CNTN6: variants seen among roughly 807,000 people sequenced by gnomAD.
The protein encoded by CNTN6 is contactin 6.
In CNTN6, 137 loss-of-function variants were observed where a neutral mutation model predicts 122.8. That is an observed-to-expected ratio of 1.12 (90% CI 0.97 to 1.29). The LOEUF (loss-of-function observed/expected upper bound fraction) is 1.29. CNTN6 is among the 50% of genes most tolerant of loss of function. The pLI is 0.00. For missense variants in CNTN6, 1,634 were observed against 1,223.4 expected, an observed-to-expected ratio of 1.34 and a Z score of -5.01; for synonymous variants, 570 against 426.0, an observed-to-expected ratio of 1.34 and a Z score of -4.16.
chr3:1,171,529 A>G (rs1194917691), intron 2 of CNTN6, among the ~76,000 whole-genome samples: 1 of 151,496 alleles, frequency 6.6e-6, no homozygotes, highest in East Asian at 1.9e-4. Context: ...TGTGCCACCA[A>G]CCCCCGGTTG....
chr3:1,339,364 A>G (rs1394049009), intron 11 of CNTN6, among the ~76,000 whole-genome samples: 2 of 152,126 alleles, frequency 1.3e-5, no homozygotes, highest in Admixed American at 1.3e-4. Flanking sequence ...GACTTGCCAA[A>G]CGATTCATTT....
At chr3:1,394,212 G>A (rs1250835386) in intron 20 of CNTN6, 12 of 237,234 alleles carry the variant, frequency 5.1e-5, no homozygotes, top group Middle Eastern at 1.3e-3. Flanking sequence ...CCTCATCTCC[G>A]GAAGCTTCCG....
chr3:1,245,221 T>TACACAC (rs1304018351), intron 4 of CNTN6, among the ~76,000 whole-genome samples: 14 of 18,762 alleles, frequency 7.5e-4, no homozygotes, highest in South Asian at 2.0e-3. Flanking sequence ...TATATATATA[T>TACACAC]ATATATATAT....
At chr3:1,096,556 T>G (rs905695351) in intron 1 of CNTN6, among the ~76,000 whole-genome samples, 3 of 152,210 alleles carry the variant, frequency 2.0e-5, no homozygotes, top group African/African-American at 4.8e-5. Flanking sequence ...GTTATCTTCT[T>G]TATTTGAGAA....
intron 1 of CNTN6, among the ~76,000 whole-genome samples, chr3:1,136,169 T>C (rs2092467418): frequency 6.6e-6 from 1 of 152,204 alleles, no homozygotes; most frequent in African/African-American, 2.4e-5. Flanking sequence ...ACATCCTTTA[T>C]TAATTGACCC....
At chr3:1,096,955 G>A (rs935857469) in intron 1 of CNTN6, among the ~76,000 whole-genome samples, 7 of 152,046 alleles carry the variant, frequency 4.6e-5, no homozygotes, top group Non-Finnish European at 8.8e-5. Flanking sequence ...GACAATAGAG[G>A]ACATTTAAAA....
intron 1 of CNTN6, among the ~76,000 whole-genome samples, chr3:1,097,498 A>G (rs1336604199): frequency 6.6e-6 from 1 of 152,232 alleles, no homozygotes; most frequent in Non-Finnish European, 1.5e-5. Flanking sequence ...CTAAAAAGCA[A>G]ATAGCAATTT....
In CNTN6 at chr3:1,268,588, CAG is replaced by C. The variant is rs1346543580; in HGVS notation, c.359-9822_359-9821del. Reference sequence around the variant, plus strand: ...AGCCACTGCACTCCAGCCTGGGCGACAGAGCGAGACTCCGTCTCAAAAAAAAA... The same window carrying C: ...AGCCACTGCACTCCAGCCTGGGCGACAGCGAGACTCCGTCTCAAAAAAAAA... On this transcript the variant is annotated intron_variant, in intron 4 of 22. Transcript: ENST00000446702. Among the ~76,000 whole-genome samples, 21 of 109,570 alleles carry C rather than the reference CAG, an allele frequency of 1.9e-4. 2 individuals are homozygous for C. Among genetic ancestry groups the C allele is most frequent in the African/African-American group, 7.3e-4 (17 of 23,314 alleles). 71.9% of individuals were successfully genotyped at this position (109,570 alleles called of 152,430 possible).
At chr3:1,346,679 A>T (rs1704754289) in intron 11 of CNTN6, among the ~76,000 whole-genome samples, 1 of 152,100 alleles carries the variant, frequency 6.6e-6, no homozygotes, top group South Asian at 2.1e-4. Context: ...TTTTCTTTAT[A>T]AATTACTGAG....
intron 2 of CNTN6, among the ~76,000 whole-genome samples, chr3:1,176,634 TAAA>T (rs2093454728): frequency 6.6e-6 from 1 of 152,150 alleles, no homozygotes; most frequent in South Asian, 2.1e-4. Context: ...ATAGAGAAGT[TAAA>T]AATATCTACA....
intron 22 of CNTN6, chr3:1,402,736 G>C (rs575071767): frequency 1.1e-4 from 40 of 363,454 alleles, no homozygotes; most frequent in African/African-American, 8.1e-4. Flanking sequence ...TGTGTCATTA[G>C]AGCATAATTG....
intron 4 of CNTN6, among the ~76,000 whole-genome samples, chr3:1,268,886 C>T (rs1207986510): frequency 1.3e-5 from 2 of 151,892 alleles, no homozygotes; most frequent in Non-Finnish European, 2.9e-5. Context: ...AAGGCTAAGG[C>T]AGGAGGATTG....
intron 7 of CNTN6, among the ~76,000 whole-genome samples, chr3:1,319,843 T>TAAAATAAAATA (rs1313229814): frequency 3.6e-5 from 5 of 139,830 alleles, no homozygotes; most frequent in Non-Finnish European, 6.3e-5. Context: ...GAAAATAAAA[T>TAAAATAAAATA]AAAATAAAAT....
chr3:1,246,986 A>C (rs1205638121), intron 4 of CNTN6, among the ~76,000 whole-genome samples: 1 of 152,038 alleles, frequency 6.6e-6, no homozygotes, highest in East Asian at 1.9e-4. Context: ...TCTCTTAATC[A>C]TGTCTTTTGA....
intron 5 of CNTN6, among the ~76,000 whole-genome samples, chr3:1,283,186 C>T (rs1693766698): frequency 6.6e-6 from 1 of 152,096 alleles, no homozygotes; most frequent in Non-Finnish European, 1.5e-5. Flanking sequence ...AACTCCTGGC[C>T]TCATGTGATC....
chr3:1,109,824 T>A (rs2091397387), intron 1 of CNTN6, among the ~76,000 whole-genome samples: 1 of 152,084 alleles, frequency 6.6e-6, no homozygotes, highest in African/African-American at 2.4e-5. Flanking sequence ...ATTAGCTTCT[T>A]GACAAAGAAA....
chr3:1,274,280 C>T (rs749575855), intron 4 of CNTN6, among the ~76,000 whole-genome samples: 5 of 152,152 alleles, frequency 3.3e-5, no homozygotes, highest in African/African-American at 4.8e-5. Context: ...TTCACATCAA[C>T]AGCGCCAACA....
rs1414060641 is a variant in CNTN6, at chr3:1,325,844, A to T, written c.976A>T (p.Asn326Tyr). Reference protein sequence around the residue: ...APPEWEQKIQNTHLSIYDNLL... With the variant: ...APPEWEQKIQYTHLSIYDNLL... ...TCCAGAATGGGAACAGAAAATCCAA[A>T]ATACACACCTCTCTATCTATGACAA... The change falls in exon 9 of 23, where the codon AAT becomes TAT. Residue 326 changes from asparagine (N) to tyrosine (Y), a missense_variant. Physicochemically the swap from Asn to Tyr is moderately radical, Grantham distance 143 (BLOSUM62 -2). Coordinates refer to ENST00000446702, the MANE Select transcript of CNTN6 (RefSeq NM_001289080.2). 6 of 1,611,218 alleles carry T rather than the reference A, an allele frequency of 3.7e-6. No homozygotes were observed. In the African/African-American group the frequency reaches 4.0e-5, roughly 11 times the overall value.
chr3:1,236,446 G>A (rs911664168), intron 4 of CNTN6, among the ~76,000 whole-genome samples: 1 of 151,796 alleles, frequency 6.6e-6, no homozygotes, highest in East Asian at 1.9e-4. Flanking sequence ...ATCAGAGCCT[G>A]GTAGCTCCAC....
Sources: allele counts gnomAD v4.1 joint callset (sites outside exome capture counted in the v4.1 genomes callset), GRCh38; gene constraint gnomAD v4.1.1; transcripts MANE v1.5; gene names NCBI Gene and HGNC (gene_info 2026-07-23, HGNC 2026-07-21).